The following KCNIP4 variants were observed in gnomAD, a reference collection of about 807,000 sequenced individuals.
KCNIP4 encodes the protein potassium voltage-gated channel interacting protein 4.
In KCNIP4, 12 loss-of-function variants were observed where a neutral mutation model predicts 34.0. That is an observed-to-expected ratio of 0.35 (90% CI 0.23 to 0.57). The LOEUF is 0.57. Among genes scored for constraint, KCNIP4 ranks in the 20% least tolerant of loss-of-function variants. The pLI is 0.83. For synonymous variants in KCNIP4, 124 were observed against 102.2 expected, an observed-to-expected ratio of 1.21 and a Z score of -1.29; for missense variants, 238 against 311.7, an observed-to-expected ratio of 0.76 and a Z score of 1.78.
intron 1 of KCNIP4, among the ~76,000 whole-genome samples, chr4:21,865,825 G>A (rs6819627): frequency 0.11 from 16,205 of 151,836 alleles, 881 homozygotes; most frequent in Middle Eastern, 0.13. Flanking sequence ...TTACAGGCAT[G>A]AGCCACCATT....
intron 1 of KCNIP4, among the ~76,000 whole-genome samples, chr4:21,833,288 T>C (rs1333296235): frequency 6.6e-6 from 1 of 152,090 alleles, no homozygotes; most frequent in Non-Finnish European, 1.5e-5. Flanking sequence ...CCATTCTAAC[T>C]GGTGTGAGAT....
At chr4:21,757,138 A>G (rs1469231656) in intron 1 of KCNIP4, among the ~76,000 whole-genome samples, 1 of 24,590 alleles carries the variant, frequency 4.1e-5, no homozygotes, top group South Asian at 1.4e-3. Context: ...AAAGAAAGAA[A>G]GAAAGAAAGA....
At chr4:21,749,404 G>A (rs536383414) in intron 1 of KCNIP4, among the ~76,000 whole-genome samples, 2 of 152,206 alleles carry the variant, frequency 1.3e-5, no homozygotes, top group South Asian at 2.1e-4. Flanking sequence ...CTACCTAGAC[G>A]GTTACATTGT....
At chr4:21,270,148 A>C (rs2109131187) in intron 1 of KCNIP4, among the ~76,000 whole-genome samples, 1 of 152,312 alleles carries the variant, frequency 6.6e-6, no homozygotes, top group East Asian at 1.9e-4. Context: ...TCAGGCTCTG[A>C]CGGTGTTAAG....
chr4:21,074,061 G>T (rs1348040750), intron 1 of KCNIP4, among the ~76,000 whole-genome samples: 1 of 152,094 alleles, frequency 6.6e-6, no homozygotes, highest in African/African-American at 2.4e-5. Flanking sequence ...GAGGATTTTT[G>T]CATCAGTGTT....
chr4:21,734,120 T>C (rs1267178576), intron 1 of KCNIP4, among the ~76,000 whole-genome samples: 2 of 152,168 alleles, frequency 1.3e-5, no homozygotes, highest in Admixed American at 1.3e-4. Flanking sequence ...GTAATTACCA[T>C]GGGGAGGCTC....
chr4:21,432,508 C>T (rs1158552125), intron 1 of KCNIP4, among the ~76,000 whole-genome samples: 1 of 151,968 alleles, frequency 6.6e-6, no homozygotes, highest in East Asian at 1.9e-4. Flanking sequence ...CTAATGAGTG[C>T]GTCTATTTAC....
At chr4:21,042,623 G>A (rs1034785221) in intron 1 of KCNIP4, among the ~76,000 whole-genome samples, 12 of 152,150 alleles carry the variant, frequency 7.9e-5, no homozygotes, top group Non-Finnish European at 1.2e-4. Context: ...CTATTGCAGT[G>A]TAGGGTGATT....
chr4:20,827,763 C>T (rs1368640378), intron 3 of KCNIP4, among the ~76,000 whole-genome samples: 1 of 150,544 alleles, frequency 6.6e-6, no homozygotes, highest in Non-Finnish European at 1.5e-5. Flanking sequence ...GCTGCAGTTA[C>T]ACCTTTCTAT....
At chr4:21,055,385 T>A (rs1040472230) in intron 1 of KCNIP4, among the ~76,000 whole-genome samples, 1 of 152,142 alleles carries the variant, frequency 6.6e-6, no homozygotes, top group Non-Finnish European at 1.5e-5. Context: ...CTAAACATAA[T>A]GTTATCATAT....
At chr4:20,791,215 T>C (rs906991943) in intron 3 of KCNIP4, among the ~76,000 whole-genome samples, 4 of 152,102 alleles carry the variant, frequency 2.6e-5, no homozygotes, top group Non-Finnish European at 4.4e-5. Flanking sequence ...CCAGTAAAGA[T>C]ATATTTCAAA....
intron 1 of KCNIP4, among the ~76,000 whole-genome samples, chr4:21,175,277 C>T (rs1754323229): frequency 6.6e-6 from 1 of 152,042 alleles, no homozygotes; most frequent in Non-Finnish European, 1.5e-5. Context: ...GTAGAGGATC[C>T]TTAGACAAGT....
chr4:21,590,852 G>A (rs1742150959), intron 1 of KCNIP4, among the ~76,000 whole-genome samples: 1 of 151,778 alleles, frequency 6.6e-6, no homozygotes, highest in Non-Finnish European at 1.5e-5. Flanking sequence ...CTTAAAATTA[G>A]GTCTTATAAT....
intron 5 of KCNIP4, among the ~76,000 whole-genome samples, chr4:20,741,111 CAAT>C (rs1186222659): frequency 6.6e-6 from 1 of 152,124 alleles, no homozygotes; most frequent in Admixed American, 6.5e-5. Context: ...GACTCCCACA[CAAT>C]AATAATGGGA....
At chr4:21,493,138 C>T (rs931079237) in intron 1 of KCNIP4, among the ~76,000 whole-genome samples, 4 of 150,750 alleles carry the variant, frequency 2.7e-5, no homozygotes, top group African/African-American at 9.7e-5. Context: ...AAATGGAGTC[C>T]CCATGGGGCC....
chr4:21,532,700 A>G (rs532788945), intron 1 of KCNIP4, among the ~76,000 whole-genome samples: 6 of 152,296 alleles, frequency 3.9e-5, no homozygotes, highest in African/African-American at 1.2e-4. Flanking sequence ...GAACTTGCTG[A>G]CAAGCTAGTG....
At chr4:21,643,380 A>G (rs1243120532) in intron 1 of KCNIP4, among the ~76,000 whole-genome samples, 1 of 152,188 alleles carries the variant, frequency 6.6e-6, no homozygotes, top group Non-Finnish European at 1.5e-5. Context: ...TACACAGGAT[A>G]GTAGTATTAA....
At chr4:21,618,854 C>T (rs1001877730) in intron 1 of KCNIP4, among the ~76,000 whole-genome samples, 1 of 151,930 alleles carries the variant, frequency 6.6e-6, no homozygotes, top group Admixed American at 6.6e-5. Context: ...AGGATGGTCT[C>T]GATCACCTGA....
chr4:21,905,437 G>T (rs537901320), intron 1 of KCNIP4, among the ~76,000 whole-genome samples: 43 of 151,950 alleles, frequency 2.8e-4, no homozygotes, highest in African/African-American at 9.9e-4. Flanking sequence ...TAAGTTTTAG[G>T]GTACATGTGC....
Sources: allele counts gnomAD v4.1 joint callset (sites outside exome capture counted in the v4.1 genomes callset), GRCh38; gene constraint gnomAD v4.1.1; transcripts MANE v1.5; gene names NCBI Gene and HGNC (gene_info 2026-07-23, HGNC 2026-07-21).